FAM20C: variants seen among roughly 807,000 people sequenced by gnomAD.
FAM20C encodes the protein FAM20C golgi associated secretory pathway kinase.
A neutral mutation model predicts 51.5 loss-of-function variants in FAM20C; 40 were observed. The ratio of observed to expected loss-of-function variants is 0.78; its 90% confidence interval spans 0.60 to 1.01. The LOEUF is 1.01. FAM20C is among the 50% of genes least tolerant of loss of function. The pLI is 0.00. For missense variants in FAM20C, 861 were observed against 844.7 expected (o/e 1.02, Z -0.24); for synonymous variants, 406 against 380.6 (o/e 1.07, Z -0.78).
rs541969314 is a variant in FAM20C, at chr7:199,595, C to T, written c.784+3863C>T. 7.2e-5 allele frequency among the ~76,000 whole-genome samples: 11 copies of T among 152,292 alleles called. No homozygotes were observed. The South Asian group carries it at 1.0e-3, about 14-fold the overall frequency. On this transcript the variant is annotated intron_variant, in intron 2 of 9. Transcript: ENST00000313766. ...GAGTCTCCAAAGCCTTCCCTCGGAACGGTTCCATTAAATCTCTCCTGCTCA... is the reference window on the plus strand; with the variant it reads ...GAGTCTCCAAAGCCTTCCCTCGGAATGGTTCCATTAAATCTCTCCTGCTCA...
At chr7:257,333 T>C in intron 8 of FAM20C, 1 of 540,108 alleles carries the variant, frequency 1.9e-6, no homozygotes, top group Non-Finnish European at 3.3e-6. Flanking sequence ...GCAGAGCTGG[T>C]GTTACCTGGG....
Position 259,921 on chromosome 7 carries a change from C to G in FAM20C, c.1696C>G (p.Leu566Val). ...CCGGGACTGCGTGGAGAGGAACGGG[C>G]TCCACAGCGTGGTGGATGACGACCT... is the stretch of plus-strand genomic sequence containing the variant. Reference protein sequence around the residue: ...AVRDCVERNGLHSVVDDDLDT... With the variant: ...AVRDCVERNGVHSVVDDDLDT... Residue 566 changes from leucine (L) to valine (V), a missense_variant, in exon 10 of 10, where the codon CTC becomes GTC. Leu to Val is a conservative substitution (Grantham distance 32). Coordinates refer to ENST00000313766, the MANE Select transcript of FAM20C (RefSeq NM_020223.4). 1 of 1,534,298 alleles carries G rather than the reference C, an allele frequency of 6.5e-7. No individual in the cohort carries two copies. The highest frequency in any genetic ancestry group is 1.4e-5 in the African/African-American group (1 of 73,156).
At position 208,893 on chromosome 7, in the gene FAM20C, T is replaced by C; in HGVS notation, c.785-5T>C. On this transcript the variant is annotated splice_region_variant and splice_polypyrimidine_tract_variant and intron_variant, in intron 2 of 9. Transcript: ENST00000313766. ...TGACCCTGTTTCTCTCCCTCCTTCC[T>C]GCAGCCATGAAGTCGGGGGGCACGC... 6.4e-7 allele frequency: 1 copy of C among 1,568,278 alleles called. No individual in the cohort carries two copies. The highest frequency in any genetic ancestry group is 1.9e-5 in the Admixed American group (1 of 53,110).
At chr7:241,964 G>C (rs1583325038) in intron 3 of FAM20C, among the ~76,000 whole-genome samples, 1 of 152,124 alleles carries the variant, frequency 6.6e-6, no homozygotes, top group Non-Finnish European at 1.5e-5. Flanking sequence ...TACTGTAGTG[G>C]GTGGTTAGAA....
At position 193,640 on chromosome 7, in the gene FAM20C, G is replaced by C. The variant is rs1435892985; in HGVS notation, c.441G>C (p.Arg147=). The C allele has an allele frequency of 1.3e-6, 2 of 1,538,998 alleles. No individual in the cohort carries two copies. The highest frequency in any genetic ancestry group is 1.4e-5 in the African/African-American group (1 of 72,090). ...TGCTGCGAGACCCCGGCCCGCGTCG[G>C]TCCGAGTCGCCCCCCGGCCCCGGCG... The part of the protein sequence containing the change: ...RPLLRDPGPR[R]SESPPGPGGD... The change falls in exon 1 of 10, where the codon CGG becomes CGC. Residue 147 remains arginine, a synonymous_variant. Coordinates refer to ENST00000313766, the MANE Select transcript of FAM20C (RefSeq NM_020223.4).
At chr7:222,490 C>G (rs1019078216) in intron 3 of FAM20C, among the ~76,000 whole-genome samples, 4 of 152,170 alleles carry the variant, frequency 2.6e-5, no homozygotes, top group African/African-American at 9.7e-5. Flanking sequence ...CTGAACCCCC[C>G]AGGCCCAGGG....
chr7:193,121 GC>G lies in FAM20C; in HGVS notation c.-78del. 1 of 1,281,200 alleles carries G rather than the reference GC, an allele frequency of 7.8e-7. No individual in the cohort carries two copies. Among genetic ancestry groups the G allele is most frequent in the Non-Finnish European group, 1.0e-6 (1 of 990,734 alleles). The allele number at this position is 1,281,200 out of a possible 1,614,324, so 79.4% of individuals were successfully genotyped here. ...CCGATGGACCTTGACCCGCGAGGCG[GC>G]GCCGCGCTCGTGCCCAGCTGCAGCT... On this transcript the variant is annotated 5_prime_UTR_variant, in exon 1 of 10. The change abolishes the stop of an existing upstream ORF in the 5' untranslated region. Transcript: ENST00000313766.
intron 2 of FAM20C, among the ~76,000 whole-genome samples, chr7:198,155 G>A (rs1785969608): frequency 6.6e-6 from 1 of 152,220 alleles, no homozygotes; most frequent in Admixed American, 6.5e-5. Context: ...ACCCGTCCAA[G>A]GACAGGCTGG....
intron 3 of FAM20C, among the ~76,000 whole-genome samples, chr7:218,785 C>T (rs765248772): frequency 1.9e-4 from 29 of 152,120 alleles, no homozygotes; most frequent in South Asian, 2.1e-4. Context: ...CACTCCCGTC[C>T]GGCCGGGAGC....
At chr7:242,890 C>G (rs1787993166) in intron 3 of FAM20C, among the ~76,000 whole-genome samples, 1 of 152,148 alleles carries the variant, frequency 6.6e-6, no homozygotes. Context: ...GGCTGTGTGT[C>G]CAGGGGACCT....
At chr7:251,766 C>T (rs568981384) in intron 5 of FAM20C, among the ~76,000 whole-genome samples, 6 of 152,286 alleles carry the variant, frequency 3.9e-5, no homozygotes, top group Non-Finnish European at 7.4e-5. Context: ...TCCCTGGCCA[C>T]TCCTGGTTCT....
At position 230,970 on chromosome 7, in the gene FAM20C, C is replaced by T. The variant is rs376162159; in HGVS notation, c.864-15445C>T. On this transcript the variant is annotated intron_variant, in intron 3 of 9. Transcript: ENST00000313766. ...GGTGGGTCCTATAGTCCCAGCTACT[C>T]GGGAGGCTGAGGTGGGAGTTTCGCC... 1.8e-4 allele frequency among the ~76,000 whole-genome samples: 27 copies of T among 152,220 alleles called. 1 individual carries two copies. In the East Asian group the frequency reaches 4.1e-3, roughly 23 times the overall value.
Position 193,651 on chromosome 7 carries a change from C to A in FAM20C, c.452C>A (p.Pro151His). Residue 151 changes from proline (P) to histidine (H), a missense_variant, in exon 1 of 10, where the codon CCC becomes CAC. Pro to His is a moderately conservative substitution (Grantham distance 77, BLOSUM62 -2). This residue lies in a region of FAM20C where 561 missense variants were observed against 499.8 expected (regional missense o/e 1.12). Transcript: ENST00000313766. ...CCCGGCCCGCGTCGGTCCGAGTCGC[C>A]CCCCGGCCCCGGCGGAGACGCCTCC... ...RDPGPRRSESPPGPGGDASLL... is the reference protein window; with the variant it reads ...RDPGPRRSESHPGPGGDASLL... 6.5e-7 allele frequency: 1 copy of A among 1,540,698 alleles called. No individual in the cohort carries two copies.
chr7:213,276 A>G (rs919716960), intron 3 of FAM20C, among the ~76,000 whole-genome samples: 6 of 146,030 alleles, frequency 4.1e-5, no homozygotes, highest in African/African-American at 1.5e-4. Flanking sequence ...TGTGAGTGAC[A>G]TGGAGGGCTC....
intron 3 of FAM20C, among the ~76,000 whole-genome samples, chr7:210,452 A>G (rs1786658247): frequency 6.6e-6 from 1 of 151,960 alleles, no homozygotes; most frequent in Non-Finnish European, 1.5e-5. Flanking sequence ...GAGACAAATG[A>G]GCCTGGGCAG....
rs57565428 is a variant in FAM20C at position 230,373 on chromosome 7, G to T, written c.864-16042G>T. ...GCATTTCTTGTCCCCAGGACGGGGT[G>T]GGGGGGGGGGGGAACAGATCCCCGT... On this transcript the variant is annotated intron_variant, in intron 3 of 9. Coordinates refer to ENST00000313766, the MANE Select transcript of FAM20C (RefSeq NM_020223.4). Among the ~76,000 whole-genome samples, 43 of 51,144 alleles carry T rather than the reference G, an allele frequency of 8.4e-4. 2 individuals carry two copies. Among genetic ancestry groups the T allele is most frequent in the African/African-American group, 2.2e-3 (30 of 13,782 alleles). 33.6% of individuals were successfully genotyped at this position (51,144 alleles called of 152,430 possible). A position where few individuals can be genotyped will look rare whatever the true frequency, so the allele number is the denominator to read the frequency against.
intron 5 of FAM20C, among the ~76,000 whole-genome samples, chr7:253,806 C>T (rs376009301): frequency 2.0e-5 from 3 of 152,334 alleles, no homozygotes; most frequent in South Asian, 4.1e-4. Context: ...ATGCCTTTCT[C>T]TTTTAACACG....
At chr7:214,590 G>A (rs1477999177) in intron 3 of FAM20C, among the ~76,000 whole-genome samples, 1 of 152,082 alleles carries the variant, frequency 6.6e-6, no homozygotes, top group African/African-American at 2.4e-5. Context: ...GCCTGGCGTA[G>A]CCACTGTTGC....
At chr7:210,753 C>T (rs1391278833) in intron 3 of FAM20C, among the ~76,000 whole-genome samples, 1 of 152,132 alleles carries the variant, frequency 6.6e-6, no homozygotes, top group Non-Finnish European at 1.5e-5. Flanking sequence ...TTGTCCGGCC[C>T]CTATTTCATG....
Sources: allele counts gnomAD v4.1 joint callset (sites outside exome capture counted in the v4.1 genomes callset), GRCh38; gene constraint gnomAD v4.1.1; regional missense constraint gnomAD v4.1.1; transcripts MANE v1.5; gene names NCBI Gene and HGNC (gene_info 2026-07-23, HGNC 2026-07-21).